The following SEMA6D variants were observed in gnomAD, a reference collection of about 807,000 sequenced individuals.
SEMA6D encodes the protein semaphorin 6D.
SEMA6D carries 35 observed loss-of-function variants against 106.6 expected under a neutral mutation model. The observed-to-expected ratio is 0.33, with a 90% CI of 0.25 to 0.44. SEMA6D has a LOEUF of 0.44. SEMA6D is among the 20% of genes least tolerant of loss of function. SEMA6D has a pLI of 1.00. For synonymous variants in SEMA6D, 499 were observed against 487.7 expected, an observed-to-expected ratio of 1.02 and a Z score of -0.31; for missense variants, 1,185 against 1,345.9, an observed-to-expected ratio of 0.88 and a Z score of 1.87.
intron 2 of SEMA6D, among the ~76,000 whole-genome samples, chr15:47,427,311 A>G (rs1037679659): frequency 2.6e-5 from 4 of 152,288 alleles, no homozygotes; most frequent in African/African-American, 9.6e-5. Flanking sequence ...AACCTGCTGT[A>G]TAGTGCATAC....
At chr15:47,513,128 T>C (rs943307774) in intron 3 of SEMA6D, among the ~76,000 whole-genome samples, 7 of 151,906 alleles carry the variant, frequency 4.6e-5, no homozygotes, top group Non-Finnish European at 8.8e-5. Flanking sequence ...ATGGGGAAAT[T>C]ATGGGGCACA....
At chr15:47,619,241 G>C (rs1194384110) in intron 4 of SEMA6D, among the ~76,000 whole-genome samples, 5 of 152,168 alleles carry the variant, frequency 3.3e-5, no homozygotes, top group African/African-American at 9.7e-5. Flanking sequence ...AGGGAATTAG[G>C]CTCCTCACTT....
chr15:47,517,734 G>A (rs910707459), intron 3 of SEMA6D, among the ~76,000 whole-genome samples: 2 of 152,078 alleles, frequency 1.3e-5, no homozygotes, highest in Middle Eastern at 3.2e-3. Context: ...TAAGCAAAGT[G>A]GCCTCCACCC....
chr15:47,628,963 T>C (rs2077248750), intron 4 of SEMA6D, among the ~76,000 whole-genome samples: 1 of 152,090 alleles, frequency 6.6e-6, no homozygotes, highest in African/African-American at 2.4e-5. Flanking sequence ...TATGGATGCC[T>C]ACTTGCTCCA....
intron 4 of SEMA6D, chr15:47,606,214 A>G (rs1289316272): frequency 4.6e-5 from 7 of 152,184 alleles, no homozygotes; most frequent in Non-Finnish European, 8.8e-5. Flanking sequence ...TATAACCCTA[A>G]ATGGCATCCC....
chr15:47,201,943 G>T (rs183553590), intron 1 of SEMA6D, among the ~76,000 whole-genome samples: 5 of 152,060 alleles, frequency 3.3e-5, no homozygotes, highest in East Asian at 3.9e-4. Flanking sequence ...TGGCTTTTTT[G>T]GGGGGTCAGC....
chr15:47,520,354 G>GAGGAAT (rs2044532483), intron 3 of SEMA6D, among the ~76,000 whole-genome samples: 5 of 152,216 alleles, frequency 3.3e-5, no homozygotes, highest in Non-Finnish European at 7.3e-5. Flanking sequence ...GGGGCAGAGT[G>GAGGAAT]AGGAATAGGA....
chr15:47,375,358 C>T (rs976906496), intron 1 of SEMA6D, among the ~76,000 whole-genome samples: 9 of 152,170 alleles, frequency 5.9e-5, no homozygotes, highest in Admixed American at 2.0e-4. Context: ...TCCCCTTTCC[C>T]TCTCCCATTC....
intron 4 of SEMA6D, among the ~76,000 whole-genome samples, chr15:47,675,732 A>G (rs2078231054): frequency 6.6e-6 from 1 of 152,204 alleles, no homozygotes; most frequent in Admixed American, 6.5e-5. Flanking sequence ...TCAGAGCTCA[A>G]CTTCCTTCTG....
chr15:47,252,377 C>T (rs989477827), intron 1 of SEMA6D, among the ~76,000 whole-genome samples: 1 of 152,074 alleles, frequency 6.6e-6, no homozygotes, highest in African/African-American at 2.4e-5. Flanking sequence ...TCACCTCAGA[C>T]CTTTATCATC....
At chr15:47,350,571 C>T (rs926487617) in intron 1 of SEMA6D, among the ~76,000 whole-genome samples, 8 of 152,134 alleles carry the variant, frequency 5.3e-5, no homozygotes, top group African/African-American at 1.2e-4. Flanking sequence ...CACTTAAACA[C>T]GATTTTGATG....
At chr15:47,218,490 A>G (rs536619928) in intron 1 of SEMA6D, among the ~76,000 whole-genome samples, 184 of 152,296 alleles carry the variant, frequency 1.2e-3, no homozygotes, top group African/African-American at 4.2e-3. Context: ...TTGGAACACA[A>G]TCTGTTGGAA....
At chr15:47,573,480 G>A (rs1321157449) in intron 3 of SEMA6D, among the ~76,000 whole-genome samples, 1 of 152,134 alleles carries the variant, frequency 6.6e-6, no homozygotes, top group Non-Finnish European at 1.5e-5. Context: ...TGGCCTTTAC[G>A]TCAATCAGTT....
intron 1 of SEMA6D, among the ~76,000 whole-genome samples, chr15:47,723,967 A>C (rs2079574287): frequency 6.6e-6 from 1 of 152,236 alleles, no homozygotes; most frequent in African/African-American, 2.4e-5. Context: ...GAACCAGAGC[A>C]GACGAAGCTC....
At chr15:47,601,970 C>G (rs2076670382) in intron 4 of SEMA6D, among the ~76,000 whole-genome samples, 1 of 152,116 alleles carries the variant, frequency 6.6e-6, no homozygotes, top group Non-Finnish European at 1.5e-5. Flanking sequence ...GCTGTTTGTA[C>G]ATAATAAGCA....
chr15:47,198,292 A>G (rs1894494356), intron 1 of SEMA6D, among the ~76,000 whole-genome samples: 1 of 152,158 alleles, frequency 6.6e-6, no homozygotes, highest in African/African-American at 2.4e-5. Flanking sequence ...AATATACTGA[A>G]TTCTTGAAAA....
chr15:47,729,947 T>C (rs1316934425), intron 1 of SEMA6D, among the ~76,000 whole-genome samples: 1 of 152,214 alleles, frequency 6.6e-6, no homozygotes, highest in Non-Finnish European at 1.5e-5. Flanking sequence ...TAGCCTTAGT[T>C]TTCTCCTTAG....
chr15:47,591,250 A>G (rs368589393), intron 3 of SEMA6D, among the ~76,000 whole-genome samples: 245 of 152,290 alleles, frequency 1.6e-3, no homozygotes, highest in African/African-American at 5.5e-3. Flanking sequence ...CATTCATGAC[A>G]TGGAGCTCTC....
At chr15:47,464,180 T>C (rs936478071) in intron 2 of SEMA6D, among the ~76,000 whole-genome samples, 1 of 152,092 alleles carries the variant, frequency 6.6e-6, no homozygotes, top group African/African-American at 2.4e-5. Context: ...TAAGAAGAGA[T>C]TTTAACTTTT....
Sources: gnomAD v4.1 joint callset for allele counts (sites outside exome capture counted in the v4.1 genomes callset) on GRCh38, gnomAD v4.1.1 for gene constraint, MANE v1.5 for transcripts, NCBI Gene and HGNC (gene_info 2026-07-23, HGNC 2026-07-21) for gene names.